Variants in ZBTB20 observed in about 807,000 individuals in gnomAD.
ZBTB20 encodes zinc finger and BTB domain-containing protein 20.
Under a neutral mutation model 56.9 loss-of-function variants are expected in ZBTB20, and 9 were observed. The observed-to-expected ratio is 0.16, with a 90% confidence interval of 0.10 to 0.28. The LOEUF is 0.28. Among genes scored for constraint, ZBTB20 ranks in the 10% least tolerant of loss-of-function variants. The pLI, the probability that ZBTB20 is intolerant of heterozygous loss-of-function variation, is 1.00. For missense variants in ZBTB20, 655 were observed against 1,003.0 expected (o/e 0.65, Z 4.69); for synonymous variants, 417 against 420.7 (o/e 0.99, Z 0.11).
chr3:114,432,840 T>C (rs2108898486), intron 7 of ZBTB20, among the ~76,000 whole-genome samples: 1 of 152,274 alleles, frequency 6.6e-6, no homozygotes, highest in East Asian at 1.9e-4. Context: ...GTGAAGCTTT[T>C]GTGTGACTGG....
intron 6 of ZBTB20, among the ~76,000 whole-genome samples, chr3:114,574,575 T>G (rs1559980407): frequency 6.6e-6 from 1 of 152,220 alleles, no homozygotes; most frequent in East Asian, 1.9e-4. Context: ...TCTATTTGAC[T>G]GAACATATAT....
intron 6 of ZBTB20, among the ~76,000 whole-genome samples, chr3:114,654,276 A>G (rs963132259): frequency 4.6e-5 from 7 of 151,898 alleles, no homozygotes; most frequent in African/African-American, 1.7e-4. Flanking sequence ...TCTGGCTCAT[A>G]TTATAAATGT....
chr3:114,754,414 A>ATTTTATCAGTG, intron 5 of ZBTB20, among the ~76,000 whole-genome samples: 1 of 152,092 alleles, frequency 6.6e-6, no homozygotes, highest in Admixed American at 6.6e-5. Flanking sequence ...CACTGTGGGG[A>ATTTTATCAGTG]GGAGGAAGAC....
At chr3:115,085,703 C>A (rs116145853) in intron 1 of ZBTB20, among the ~76,000 whole-genome samples, 1 of 151,864 alleles carries the variant, frequency 6.6e-6, no homozygotes, top group Admixed American at 6.6e-5. Flanking sequence ...GCTTAATATG[C>A]CACATTTGCC....
chr3:115,087,533 A>G (rs983905054), intron 1 of ZBTB20, among the ~76,000 whole-genome samples: 2 of 151,898 alleles, frequency 1.3e-5, no homozygotes, highest in African/African-American at 4.8e-5. Context: ...CAAAGAAAAG[A>G]AGGAAAGAAA....
intron 6 of ZBTB20, among the ~76,000 whole-genome samples, chr3:114,501,523 G>A (rs2043958034): frequency 6.6e-6 from 1 of 150,818 alleles, no homozygotes; most frequent in African/African-American, 2.4e-5. Context: ...CTACTTGGGA[G>A]GCCGAGGCAG....
chr3:114,909,112 T>C (rs921900936), intron 3 of ZBTB20, among the ~76,000 whole-genome samples: 1 of 151,992 alleles, frequency 6.6e-6, no homozygotes, highest in African/African-American at 2.4e-5. Flanking sequence ...AAAAGGAATT[T>C]TTATCACAGG....
At chr3:114,521,285 T>C (rs1181769668) in intron 6 of ZBTB20, among the ~76,000 whole-genome samples, 1 of 152,170 alleles carries the variant, frequency 6.6e-6, no homozygotes, top group African/African-American at 2.4e-5. Flanking sequence ...ACCTTTCAAA[T>C]GATTTTGCCA....
intron 6 of ZBTB20, among the ~76,000 whole-genome samples, chr3:114,554,103 C>T (rs921433131): frequency 6.6e-6 from 1 of 152,138 alleles, no homozygotes; most frequent in Admixed American, 6.6e-5. Flanking sequence ...GATGGGGTCA[C>T]AGCTTATCCC....
rs75453436 is a variant in ZBTB20 at position 114,608,385 on chromosome 3, G to A, written c.-295+85143C>T. ...CAGATCCAAATGCCAAGGCCCCTTC[G>A]TGAAAATTTCTTATTCTCTAGGTTT... On this transcript the variant is annotated intron_variant, in intron 6 of 11. Transcript: ENST00000675478. 3.9e-3 allele frequency among the ~76,000 whole-genome samples: 589 copies of A among 152,130 alleles called. 3 individuals carry two copies. Among genetic ancestry groups the A allele is most frequent in the African/African-American group, 0.013 (544 of 41,514 alleles).
At chr3:114,373,337 T>C (rs1456221086) in intron 10 of ZBTB20, among the ~76,000 whole-genome samples, 5 of 152,168 alleles carry the variant, frequency 3.3e-5, no homozygotes, top group African/African-American at 7.2e-5. Context: ...GAAATGGATA[T>C]AGGATTCAGC....
chr3:114,999,851 A>C (rs1576529482), intron 2 of ZBTB20, among the ~76,000 whole-genome samples: 1 of 151,884 alleles, frequency 6.6e-6, no homozygotes, highest in East Asian at 1.9e-4. Context: ...GTATGTTAGC[A>C]ACAACAATAG....
At chr3:114,700,461 T>C (rs2063324641) in intron 5 of ZBTB20, among the ~76,000 whole-genome samples, 1 of 152,104 alleles carries the variant, frequency 6.6e-6, no homozygotes, top group Non-Finnish European at 1.5e-5. Context: ...CTCCATATTA[T>C]CAATATGAAA....
chr3:114,477,879 C>CT (rs1189447722), intron 7 of ZBTB20, among the ~76,000 whole-genome samples: 8 of 143,134 alleles, frequency 5.6e-5, no homozygotes, highest in Non-Finnish European at 1.2e-4. Flanking sequence ...TCCTTCCTTC[C>CT]TTTTTTCTTT....
At chr3:114,891,347 C>A (rs2076799230) in intron 4 of ZBTB20, among the ~76,000 whole-genome samples, 1 of 152,208 alleles carries the variant, frequency 6.6e-6, no homozygotes, top group Admixed American at 6.5e-5. Flanking sequence ...TGCAATTTGA[C>A]ACTGAGAGTG....
chr3:114,422,347 C>G (rs2089257682), intron 7 of ZBTB20, among the ~76,000 whole-genome samples: 2 of 152,130 alleles, frequency 1.3e-5, no homozygotes, highest in African/African-American at 4.8e-5. Context: ...GATCTACAAA[C>G]CTTGTGGCTG....
chr3:114,408,927 C>T (rs577766079), intron 7 of ZBTB20, among the ~76,000 whole-genome samples: 7 of 152,162 alleles, frequency 4.6e-5, no homozygotes, highest in Admixed American at 2.0e-4. Flanking sequence ...GAGCAGCGCT[C>T]GTCCGCCGTC....
chr3:114,367,660 C>T (rs558503436), intron 10 of ZBTB20, among the ~76,000 whole-genome samples: 1 of 152,316 alleles, frequency 6.6e-6, no homozygotes, highest in East Asian at 1.9e-4. Context: ...TCTAACCCTT[C>T]CCTATACCAA....
At chr3:114,874,275 A>G (rs2107553125) in intron 4 of ZBTB20, among the ~76,000 whole-genome samples, 1 of 152,320 alleles carries the variant, frequency 6.6e-6, no homozygotes, top group South Asian at 2.1e-4. Flanking sequence ...CAATCCTGAA[A>G]TGCTTTTTGC....
Sources: gnomAD v4.1 joint callset for allele counts (sites outside exome capture counted in the v4.1 genomes callset) on GRCh38, gnomAD v4.1.1 for gene constraint, MANE v1.5 for transcripts, NCBI Gene and HGNC (gene_info 2026-07-23, HGNC 2026-07-21) for gene names.